KCNQ1: variants seen among roughly 807,000 people sequenced by gnomAD.
The protein encoded by KCNQ1 is potassium voltage-gated channel subfamily Q member 1.
KCNQ1 carries 49 observed loss-of-function variants against 72.4 expected under a neutral mutation model. The ratio of observed to expected loss-of-function variants is 0.68; its 90% CI spans 0.54 to 0.86. The LOEUF is 0.86. Ranked by LOEUF, KCNQ1 falls within the 40% of genes least tolerant of loss-of-function variation. The pLI is 0.00. For missense variants in KCNQ1, 790 were observed against 945.1 expected, an observed-to-expected ratio of 0.84 and a Z score of 2.15; for synonymous variants, 450 against 412.6, an observed-to-expected ratio of 1.09 and a Z score of -1.10.
chr11:2,802,938 G>A (rs979976942), intron 15 of KCNQ1, among the ~76,000 whole-genome samples: 5 of 152,228 alleles, frequency 3.3e-5, no homozygotes, highest in African/African-American at 4.8e-5. Flanking sequence ...GGCCAGCCAG[G>A]GAGGTGGGCT....
Position 2,752,889 on chromosome 11 carries a change from C to G in KCNQ1, c.1515-15955C>G, listed in dbSNP as rs1015071236. Reference sequence around the variant, plus strand: ...CCCTTTGCTGAATCTGTTTCAGCCACCTCTCCCGAGGATCCTCGCACAATT... The same window carrying G: ...CCCTTTGCTGAATCTGTTTCAGCCAGCTCTCCCGAGGATCCTCGCACAATT... On this transcript the variant is annotated intron_variant, in intron 11 of 15. Coordinates refer to ENST00000155840, the MANE Select transcript of KCNQ1 (RefSeq NM_000218.3). The surrounding 1 kb of genome is among the most constrained non-coding windows in gnomAD (Gnocchi z 5.2). Among the ~76,000 whole-genome samples, 2 of 152,172 alleles carry G rather than the reference C, an allele frequency of 1.3e-5. No individual in the cohort carries two copies. The highest frequency in any genetic ancestry group is 4.8e-5 in the African/African-American group (2 of 41,436).
rs780965661 is a variant in KCNQ1 at position 2,559,335 on chromosome 11, G to A, written c.478-11293G>A. Among the ~76,000 whole-genome samples the A allele has an allele frequency of 6.6e-6, 1 of 152,180 alleles. No individual in the cohort carries two copies. The highest frequency in any genetic ancestry group is 1.5e-5 in the Non-Finnish European group (1 of 68,016). On this transcript the variant is annotated intron_variant, in intron 2 of 15. Coordinates refer to ENST00000155840, the MANE Select transcript of KCNQ1 (RefSeq NM_000218.3). The surrounding 1 kb of genome is among the most constrained non-coding windows in gnomAD (Gnocchi z 4.9). Reference sequence around the variant, plus strand: ...TCCCCTTAGGCCAGGGGTAGACGCAGGCACAGGGAGGATCAGGAAAGCCCT... The same window carrying A: ...TCCCCTTAGGCCAGGGGTAGACGCAAGCACAGGGAGGATCAGGAAAGCCCT...
chr11:2,779,841 C>A (rs910136555), intron 15 of KCNQ1, among the ~76,000 whole-genome samples: 2 of 152,168 alleles, frequency 1.3e-5, no homozygotes, highest in African/African-American at 4.8e-5. Context: ...TGCAGAGGGG[C>A]CAGCGCTGGC....
rs866786671 is a variant in KCNQ1 at position 2,508,736 on chromosome 11, G to A, written c.387-19192G>A. On this transcript the variant is annotated intron_variant, in intron 1 of 15. Coordinates refer to ENST00000155840, the MANE Select transcript of KCNQ1 (RefSeq NM_000218.3). This position sits in a 1 kb window ranked among gnomAD's most constrained non-coding sequence, Gnocchi z 6.2. Reference sequence around the variant, plus strand: ...CTGGCTTCCTCTATAGAAACTCCCCGAATGGGAGGGATGGGAAAGACTGTT... The same window carrying A: ...CTGGCTTCCTCTATAGAAACTCCCCAAATGGGAGGGATGGGAAAGACTGTT... Among the ~76,000 whole-genome samples the A allele has an allele frequency of 3.9e-5, 6 of 152,292 alleles. No homozygotes were observed. Among genetic ancestry groups the A allele is most frequent in the African/African-American group, 1.2e-4 (5 of 41,562 alleles).
At position 2,679,886 on chromosome 11, in the gene KCNQ1, AT is replaced by A. The variant is rs144309171; in HGVS notation, c.1514+17815del. 0.015 allele frequency: 5,829 copies of A among 379,838 alleles called. 197 individuals carry two copies. The highest frequency in any genetic ancestry group is 0.1 in the East Asian group (2,684 of 26,892). 23.5% of individuals were successfully genotyped at this position (379,838 alleles called of 1,614,324 possible). Reference sequence around the variant, plus strand: ...TATAAACTTAGAACTAGCACGCCTAATTTTTTTTTTATTTTTATTTTTTTTG... The same window carrying A: ...TATAAACTTAGAACTAGCACGCCTAATTTTTTTTTATTTTTATTTTTTTTG... On this transcript the variant is annotated intron_variant, in intron 11 of 15. Transcript: ENST00000155840. This position sits in a 1 kb window ranked among gnomAD's most constrained non-coding sequence, Gnocchi z 4.8.
Position 2,670,911 on chromosome 11 carries a change from C to T in KCNQ1, c.1514+8830C>T. ...GGATTGCCTGGACAAGGCTGACCTG[C>T]CCTCCCAGGATGCAAATTGGCAGGC... On this transcript the variant is annotated intron_variant, in intron 11 of 15. Coordinates refer to ENST00000155840, the MANE Select transcript of KCNQ1 (RefSeq NM_000218.3). The surrounding 1 kb of genome is among the most constrained non-coding windows in gnomAD (Gnocchi z 4.9). 2.5e-6 allele frequency: 1 copy of T among 398,650 alleles called. No individual in the cohort carries two copies. The allele number at this position is 398,650 out of a possible 1,614,324, so 24.7% of individuals were successfully genotyped here.
At chr11:2,633,759 T>C (rs1051752639) in intron 10 of KCNQ1, 1 of 398,606 alleles carries the variant, frequency 2.5e-6, no homozygotes, top group Non-Finnish European at 4.4e-6. Flanking sequence ...CTAATTTGGT[T>C]ACCATTGTTT....
chr11:2,617,819 A>AT lies in KCNQ1; in HGVS notation c.1393+28970dup. Reference sequence around the variant, plus strand: ...ATGTCTTTTCATATATGTGTTTGCCATTTTTATAACTTCTTTGCAAAAATG... The same window carrying AT: ...ATGTCTTTTCATATATGTGTTTGCCATTTTTTATAACTTCTTTGCAAAAATG... On this transcript the variant is annotated intron_variant, in intron 10 of 15. Coordinates refer to ENST00000155840, the MANE Select transcript of KCNQ1 (RefSeq NM_000218.3). The surrounding 1 kb of genome is among the most constrained non-coding windows in gnomAD (Gnocchi z 4.6). 1 of 398,522 alleles carries AT rather than the reference A, an allele frequency of 2.5e-6. No homozygotes were observed. The allele number at this position is 398,522 out of a possible 1,614,324, so 24.7% of individuals were successfully genotyped here.
In KCNQ1 at chr11:2,752,776, C is replaced by T. The variant is rs1450297574; in HGVS notation, c.1515-16068C>T. Among the ~76,000 whole-genome samples the T allele has an allele frequency of 1.3e-5, 2 of 152,196 alleles. No homozygotes were observed. The highest frequency in any genetic ancestry group is 3.9e-4 in the East Asian group (2 of 5,184). Reference sequence around the variant, plus strand: ...TCGACATAGGGACTTTGGGAAGACACACACATTCAGACTACAGCACCTTGC... The same window carrying T: ...TCGACATAGGGACTTTGGGAAGACATACACATTCAGACTACAGCACCTTGC... On this transcript the variant is annotated intron_variant, in intron 11 of 15. Coordinates refer to ENST00000155840, the MANE Select transcript of KCNQ1 (RefSeq NM_000218.3). This position sits in a 1 kb window ranked among gnomAD's most constrained non-coding sequence, Gnocchi z 5.2.
intron 2 of KCNQ1, among the ~76,000 whole-genome samples, chr11:2,555,035 G>A (rs2133699358): frequency 6.6e-6 from 1 of 152,314 alleles, no homozygotes; most frequent in South Asian, 2.1e-4. Flanking sequence ...CCACAGGGCA[G>A]CCTTTAATAA....
chr11:2,654,119 G>A lies in KCNQ1; in HGVS notation c.1394-7842G>A. On this transcript the variant is annotated intron_variant, in intron 10 of 15. Transcript: ENST00000155840. This position sits in a 1 kb window ranked among gnomAD's most constrained non-coding sequence, Gnocchi z 6.4. ...TCGCCTCTGAGTGGAGACACAGGTG[G>A]TGGCGGGGCCACTCTGGCTCAGGGT... 1 of 398,790 alleles carries A rather than the reference G, an allele frequency of 2.5e-6. No individual in the cohort carries two copies. The highest frequency in any genetic ancestry group is 1.3e-4 in the South Asian group (1 of 7,870). 24.7% of individuals were successfully genotyped at this position (398,790 alleles called of 1,614,324 possible).
intron 15 of KCNQ1, among the ~76,000 whole-genome samples, chr11:2,846,368 T>G (rs1041441848): frequency 6.6e-6 from 1 of 152,180 alleles, no homozygotes; most frequent in Non-Finnish European, 1.5e-5. Context: ...CCACCACTTC[T>G]AGGTCTTTCC....
In KCNQ1 at chr11:2,703,935, G is replaced by T. The variant is rs1007844184; in HGVS notation, c.1514+41854G>T. Among the ~76,000 whole-genome samples, 2 of 152,148 alleles carry T rather than the reference G, an allele frequency of 1.3e-5. No homozygotes were observed. The highest frequency in any genetic ancestry group is 2.4e-5 in the African/African-American group (1 of 41,438). The stretch of plus-strand genomic sequence containing the variant: ...GCCTCCGCAGTCCATCTGAAGAAAG[G>T]CCCCACCCCACGCTGCTCTCAGGAG... On this transcript the variant is annotated intron_variant, in intron 11 of 15. Transcript: ENST00000155840. This position sits in a 1 kb window ranked among gnomAD's most constrained non-coding sequence, Gnocchi z 6.4.
intron 1 of KCNQ1, among the ~76,000 whole-genome samples, chr11:2,503,396 G>T (rs1177458041): frequency 6.6e-6 from 1 of 152,074 alleles, no homozygotes; most frequent in Non-Finnish European, 1.5e-5. Flanking sequence ...GAAGACAAAT[G>T]GATGAAACTG....
rs530946355 is a variant in KCNQ1, at chr11:2,745,771, C to T, written c.1515-23073C>T. On this transcript the variant is annotated intron_variant, in intron 11 of 15. Transcript: ENST00000155840. This position sits in a 1 kb window ranked among gnomAD's most constrained non-coding sequence, Gnocchi z 6.2. Reference sequence around the variant, plus strand: ...TCACTAAGCGTGCCTTGGAGAAGGCCGCTCAGCGAGGGCCGCCTTCAGGCC... The same window carrying T: ...TCACTAAGCGTGCCTTGGAGAAGGCTGCTCAGCGAGGGCCGCCTTCAGGCC... Among the ~76,000 whole-genome samples the T allele has an allele frequency of 3.9e-4, 59 of 152,366 alleles. No individual in the cohort carries two copies. The highest frequency in any genetic ancestry group is 1.4e-3 in the African/African-American group (58 of 41,590).
At chr11:2,632,182 C>A (rs1255299326) in intron 10 of KCNQ1, 617 of 311,984 alleles carry the variant, frequency 2.0e-3, no homozygotes, top group African/African-American at 6.1e-3. Flanking sequence ...GACTCTGCCT[C>A]AAAAAAAAAA....
At chr11:2,529,652 C>T (rs761005540) in intron 2 of KCNQ1, among the ~76,000 whole-genome samples, 2 of 152,198 alleles carry the variant, frequency 1.3e-5, no homozygotes, top group Non-Finnish European at 2.9e-5. Context: ...ATTTCTGCTA[C>T]AGCCTGTGGT....
chr11:2,713,999 G>C lies in KCNQ1; in HGVS notation c.1514+51918G>C, dbSNP rs897332015. On this transcript the variant is annotated intron_variant, in intron 11 of 15. Coordinates refer to ENST00000155840, the MANE Select transcript of KCNQ1 (RefSeq NM_000218.3). This position sits in a 1 kb window ranked among gnomAD's most constrained non-coding sequence, Gnocchi z 5.6. ...AGGTGGCTGCCACTCAGGGGTGTGT[G>C]GGGGGCGCCTTGGGGCACCCAGGCC... is the stretch of plus-strand genomic sequence containing the variant. Among the ~76,000 whole-genome samples, 9 of 152,158 alleles carry C rather than the reference G, an allele frequency of 5.9e-5. No individual in the cohort carries two copies. The highest frequency in any genetic ancestry group is 3.3e-4 in the Admixed American group (5 of 15,290).
chr11:2,669,907 G>A lies in KCNQ1; in HGVS notation c.1514+7826G>A. On this transcript the variant is annotated intron_variant, in intron 11 of 15. Coordinates refer to ENST00000155840, the MANE Select transcript of KCNQ1 (RefSeq NM_000218.3). This position sits in a 1 kb window ranked among gnomAD's most constrained non-coding sequence, Gnocchi z 5.6. ...CTTAATAAGATGTGCCTAGAGGCCT[G>A]AGAGTCCCAAGCTCCAGGACAGTCT... 5.0e-6 allele frequency: 2 copies of A among 398,630 alleles called. No individual in the cohort carries two copies. Among genetic ancestry groups the A allele is most frequent in the East Asian group, 3.6e-5 (1 of 28,072 alleles). 24.7% of individuals were successfully genotyped at this position (398,630 alleles called of 1,614,324 possible).
Sources: gnomAD v4.1 joint callset for allele counts (sites outside exome capture counted in the v4.1 genomes callset) on GRCh38, gnomAD v4.1.1 for gene constraint, Gnocchi (gnomAD v3.1) non-coding constraint, MANE v1.5 for transcripts, NCBI Gene and HGNC (gene_info 2026-07-23, HGNC 2026-07-21) for gene names.